The following SMYD3 variants were observed in gnomAD, a reference collection of about 807,000 sequenced individuals.
SMYD3 encodes histone-lysine N-methyltransferase SMYD3.
SMYD3 carries 36 observed loss-of-function variants against 57.7 expected under a neutral mutation model. That is an observed-to-expected ratio of 0.62 (90% CI 0.48 to 0.82). SMYD3 has a LOEUF of 0.82. SMYD3 is among the 40% of genes least tolerant of loss of function. The probability of loss-of-function intolerance (pLI) is 0.00; values close to 1 mark genes in which losing one functional copy is unlikely to be tolerated. For synonymous variants in SMYD3, 211 were observed against 195.0 expected (o/e 1.08, Z -0.68); for missense variants, 515 against 538.8 (o/e 0.96, Z 0.44).
At chr1:245,907,071 G>A (rs1037848104) in intron 8 of SMYD3, among the ~76,000 whole-genome samples, 2 of 152,146 alleles carry the variant, frequency 1.3e-5, no homozygotes, top group African/African-American at 2.4e-5. Context: ...GCTGCAAATC[G>A]TACGTGGTTT....
intron 10 of SMYD3, among the ~76,000 whole-genome samples, chr1:245,766,753 G>A (rs2046125151): frequency 6.6e-6 from 1 of 152,182 alleles, no homozygotes; most frequent in Non-Finnish European, 1.5e-5. Context: ...CTAAGTAGAT[G>A]TCTGTCATGT....
At chr1:245,883,619 A>G (rs1350818470) in intron 8 of SMYD3, among the ~76,000 whole-genome samples, 1 of 152,158 alleles carries the variant, frequency 6.6e-6, no homozygotes, top group Non-Finnish European at 1.5e-5. Context: ...CTTTCTGACC[A>G]TTCAAGCCCC....
chr1:245,917,507 C>T (rs1362794819), intron 7 of SMYD3, among the ~76,000 whole-genome samples: 1 of 152,178 alleles, frequency 6.6e-6, no homozygotes, highest in African/African-American at 2.4e-5. Context: ...CCAGGCTGGC[C>T]TCCCGTCTGG....
At position 246,037,312 on chromosome 1, in the gene SMYD3, A is replaced by G. The variant is rs76625374; in HGVS notation, c.532-107375T>C. 6.5e-3 allele frequency among the ~76,000 whole-genome samples: 996 copies of G among 152,208 alleles called. 2 individuals carry two copies. Among genetic ancestry groups the G allele is most frequent in the South Asian group, 9.1e-3 (44 of 4,812 alleles). ...TAACATTCTGCTGTTTGCCAATCTG[A>G]TAGGTTAAAAGTGACATTTCAGTAT... On this transcript the variant is annotated intron_variant, in intron 5 of 11. Transcript: ENST00000490107.
At position 245,761,775 on chromosome 1, in the gene SMYD3, C is replaced by A. The variant is rs2817509; in HGVS notation, c.1185+2266G>T. 4.1e-5 allele frequency among the ~76,000 whole-genome samples: 6 copies of A among 147,658 alleles called. No individual in the cohort carries two copies. In the East Asian group the frequency reaches 1.2e-3, roughly 30 times the overall value. ...TATCTCCTCCATTAAATTGTACACA[C>A]CATATTGAGTCTTTTTTTTTTTTTT... On this transcript the variant is annotated intron_variant, in intron 11 of 11. Transcript: ENST00000490107.
chr1:246,471,907 CA>C (rs376081796), intron 1 of SMYD3, among the ~76,000 whole-genome samples: 17 of 152,088 alleles, frequency 1.1e-4, no homozygotes, highest in African/African-American at 3.6e-4. Flanking sequence ...AAGCACAACC[CA>C]AATATAGAAA....
intron 5 of SMYD3, chr1:246,326,904 A>G (rs1252818598): frequency 2.4e-6 from 1 of 409,072 alleles, no homozygotes; most frequent in African/African-American, 2.1e-5. Flanking sequence ...ATAATGGGAT[A>G]TGCTATTTTC....
At chr1:246,169,926 G>A (rs2062299457) in intron 5 of SMYD3, among the ~76,000 whole-genome samples, 2 of 150,916 alleles carry the variant, frequency 1.3e-5, no homozygotes, top group South Asian at 2.1e-4. Context: ...GATACAGCAA[G>A]AAATCTTCAG....
At chr1:246,148,580 C>G (rs1418416926) in intron 5 of SMYD3, among the ~76,000 whole-genome samples, 1 of 152,068 alleles carries the variant, frequency 6.6e-6, no homozygotes, top group African/African-American at 2.4e-5. Flanking sequence ...AAAAGCGACA[C>G]CCCGAAGATC....
chr1:246,300,346 T>G (rs1273639053), intron 5 of SMYD3, among the ~76,000 whole-genome samples: 1 of 152,170 alleles, frequency 6.6e-6, no homozygotes, highest in Non-Finnish European at 1.5e-5. Context: ...GCTTTTGTTG[T>G]GTTGAAGGAT....
chr1:245,894,587 A>C (rs1417272839), intron 8 of SMYD3, among the ~76,000 whole-genome samples: 1 of 152,182 alleles, frequency 6.6e-6, no homozygotes, highest in Non-Finnish European at 1.5e-5. Context: ...GGAAGGAACC[A>C]ACTCTGGACA....
intron 5 of SMYD3, among the ~76,000 whole-genome samples, chr1:245,992,392 G>A (rs1373951372): frequency 1.3e-5 from 2 of 152,278 alleles, no homozygotes; most frequent in Non-Finnish European, 2.9e-5. Context: ...TCGGGATGCA[G>A]GAATCATTGG....
intron 10 of SMYD3, among the ~76,000 whole-genome samples, chr1:245,808,274 A>G (rs1297462125): frequency 1.3e-5 from 2 of 152,120 alleles, no homozygotes; most frequent in Non-Finnish European, 2.9e-5. Context: ...AGAGCCTGGC[A>G]CCAATATGGG....
At chr1:245,819,263 T>C (rs201729139) in intron 10 of SMYD3, among the ~76,000 whole-genome samples, 9,886 of 138,224 alleles carry the variant, frequency 0.072, 376 homozygotes, top group East Asian at 0.17. Flanking sequence ...CTCAACTACA[T>C]GGAAACTGAA....
chr1:245,798,131 ATT>A (rs2047634792), intron 10 of SMYD3, among the ~76,000 whole-genome samples: 1 of 151,696 alleles, frequency 6.6e-6, no homozygotes, highest in Non-Finnish European at 1.5e-5. Flanking sequence ...ATTACTGGCT[ATT>A]TCATATTCCA....
At chr1:246,046,462 C>A (rs1300272240) in intron 5 of SMYD3, among the ~76,000 whole-genome samples, 1 of 151,814 alleles carries the variant, frequency 6.6e-6, no homozygotes, top group Non-Finnish European at 1.5e-5. Flanking sequence ...ACATCACACA[C>A]CGGGGCCTGT....
chr1:246,207,124 A>G (rs760825441), intron 5 of SMYD3, among the ~76,000 whole-genome samples: 34 of 152,136 alleles, frequency 2.2e-4, no homozygotes, highest in Non-Finnish European at 4.0e-4. Flanking sequence ...TCACTTCTAT[A>G]AAGATACTGG....
At chr1:245,974,023 T>G (rs965531050) in intron 5 of SMYD3, among the ~76,000 whole-genome samples, 6 of 152,088 alleles carry the variant, frequency 3.9e-5, no homozygotes, top group African/African-American at 1.4e-4. Context: ...CTAAACAGTT[T>G]CAATCAAGTC....
At chr1:246,443,732 T>C (rs573692605) in intron 1 of SMYD3, among the ~76,000 whole-genome samples, 1 of 152,350 alleles carries the variant, frequency 6.6e-6, no homozygotes, top group East Asian at 1.9e-4. Context: ...AATTTAATGA[T>C]GGCATGGATA....
Sources: gnomAD v4.1 joint callset for allele counts (sites outside exome capture counted in the v4.1 genomes callset) on GRCh38, gnomAD v4.1.1 for gene constraint, MANE v1.5 for transcripts, NCBI Gene and HGNC (gene_info 2026-07-23, HGNC 2026-07-21) for gene names.